CMSS1: variants seen among roughly 807,000 people sequenced by gnomAD.
CMSS1 encodes protein CMSS1.
CMSS1 carries 33 observed loss-of-function variants against 43.5 expected under a neutral mutation model. That is an observed-to-expected ratio of 0.76 (90% CI 0.57 to 1.01). The LOEUF is 1.01. Ranked by LOEUF, CMSS1 falls within the 50% of genes least tolerant of loss-of-function variation. The probability of loss-of-function intolerance (pLI) is 0.00; values close to 1 mark genes in which losing one functional copy is unlikely to be tolerated. For missense variants in CMSS1, 313 were observed against 326.4 expected, an observed-to-expected ratio of 0.96 and a Z score of 0.32; for synonymous variants, 115 against 117.2, an observed-to-expected ratio of 0.98 and a Z score of 0.12.
intron 1 of CMSS1, among the ~76,000 whole-genome samples, chr3:100,091,008 G>A (rs1273607684): frequency 6.6e-6 from 1 of 152,124 alleles, no homozygotes; most frequent in African/African-American, 2.4e-5. Flanking sequence ...CCTTAGGCCC[G>A]GGCACAGTGG....
intron 1 of CMSS1, among the ~76,000 whole-genome samples, chr3:99,925,500 G>T (rs1707262543): frequency 6.6e-6 from 1 of 152,162 alleles, no homozygotes; most frequent in Non-Finnish European, 1.5e-5. Flanking sequence ...AGGAAACTGA[G>T]ATTTTTTTTG....
chr3:99,874,987 A>G (rs954466727), intron 1 of CMSS1, among the ~76,000 whole-genome samples: 17 of 152,198 alleles, frequency 1.1e-4, no homozygotes, highest in Admixed American at 1.3e-4. Context: ...ATGAATTCTG[A>G]GTTTGAATTG....
chr3:99,870,266 C>T (rs946736882), intron 1 of CMSS1, among the ~76,000 whole-genome samples: 8 of 152,238 alleles, frequency 5.3e-5, no homozygotes, highest in Non-Finnish European at 1.0e-4. Flanking sequence ...TCTGATTTAT[C>T]CACCCATTAT....
chr3:99,935,520 G>A (rs922960173), intron 1 of CMSS1, among the ~76,000 whole-genome samples: 1 of 152,178 alleles, frequency 6.6e-6, no homozygotes, highest in African/African-American at 2.4e-5. Context: ...GGTCTGTGTT[G>A]TTGCTTATAA....
chr3:99,870,849 C>T (rs186971162), intron 1 of CMSS1, among the ~76,000 whole-genome samples: 15 of 152,268 alleles, frequency 9.9e-5, no homozygotes, highest in Non-Finnish European at 1.8e-4. Context: ...ATTTGTGCCC[C>T]GTAAGTGCAT....
At chr3:100,033,025 T>G (rs1021603382) in intron 1 of CMSS1, among the ~76,000 whole-genome samples, 1 of 152,062 alleles carries the variant, frequency 6.6e-6, no homozygotes, top group Non-Finnish European at 1.5e-5. Context: ...TTAGTGTGGT[T>G]TCCACTCTAC....
At chr3:99,899,664 A>G (rs1706372044) in intron 1 of CMSS1, among the ~76,000 whole-genome samples, 1 of 152,212 alleles carries the variant, frequency 6.6e-6, no homozygotes, top group South Asian at 2.1e-4. Flanking sequence ...TGAAATTGTT[A>G]TGATAGATGC....
chr3:100,021,954 TGTGTGTGAGA>T (rs775446991), intron 1 of CMSS1, among the ~76,000 whole-genome samples: 7,158 of 111,390 alleles, frequency 0.064, 179 homozygotes, highest in East Asian at 0.14. Context: ...TGTGTGTGTG[TGTGTGTGAGA>T]GAGAGAGAGA....
At chr3:99,896,309 G>A (rs1203317687) in intron 1 of CMSS1, among the ~76,000 whole-genome samples, 1 of 152,204 alleles carries the variant, frequency 6.6e-6, no homozygotes, top group Non-Finnish European at 1.5e-5. Flanking sequence ...AGGAAGGCAA[G>A]GGAAAATTTG....
At chr3:99,987,264 C>A (rs1442488866) in intron 1 of CMSS1, among the ~76,000 whole-genome samples, 2 of 150,768 alleles carry the variant, frequency 1.3e-5, no homozygotes, top group Non-Finnish European at 3.0e-5. Context: ...CACAGTGGCT[C>A]ACTCCTGTAA....
intron 1 of CMSS1, among the ~76,000 whole-genome samples, chr3:100,072,331 C>T (rs1420629063): frequency 6.6e-6 from 1 of 152,204 alleles, no homozygotes; most frequent in Non-Finnish European, 1.5e-5. Context: ...TCATTCTGTG[C>T]ATTTCCAAAT....
chr3:99,856,942 C>T (rs771112295), intron 1 of CMSS1, among the ~76,000 whole-genome samples: 1 of 151,958 alleles, frequency 6.6e-6, no homozygotes, highest in African/African-American at 2.4e-5. Flanking sequence ...TAATTCTTAC[C>T]GCTTTTGATT....
At chr3:99,972,467 A>G (rs1708851642) in intron 1 of CMSS1, among the ~76,000 whole-genome samples, 1 of 152,196 alleles carries the variant, frequency 6.6e-6, no homozygotes, top group Non-Finnish European at 1.5e-5. Context: ...CTGGTAATCC[A>G]TTTTATTTCT....
chr3:99,837,439 GAA>G lies in CMSS1; in HGVS notation c.64+19407_64+19408del, dbSNP rs200867964. ...GCTTTTTCTAGTTAAAGAGAAGAGAGAAAAAAAAAAAACAGCCAAACCACTAA... is the reference window on the plus strand; with the variant it reads ...GCTTTTTCTAGTTAAAGAGAAGAGAGAAAAAAAAAACAGCCAAACCACTAA... On this transcript the variant is annotated intron_variant, in intron 1 of 9. Coordinates refer to ENST00000421999, the MANE Select transcript of CMSS1 (RefSeq NM_032359.4). 5.1e-3 allele frequency among the ~76,000 whole-genome samples: 691 copies of G among 135,854 alleles called. 5 individuals are homozygous for G. The highest frequency in any genetic ancestry group is 0.018 in the African/African-American group (672 of 37,018). The allele number at this position is 135,854 out of a possible 152,430, so 89.1% of individuals were successfully genotyped here.
At chr3:100,121,425 C>CT (rs1341657094) in intron 1 of CMSS1, among the ~76,000 whole-genome samples, 3 of 152,036 alleles carry the variant, frequency 2.0e-5, no homozygotes, top group Non-Finnish European at 2.9e-5. Context: ...TGAACTCATC[C>CT]TTTTTTATGG....
At chr3:99,824,356 A>G (rs1056016369) in intron 1 of CMSS1, among the ~76,000 whole-genome samples, 3 of 152,212 alleles carry the variant, frequency 2.0e-5, no homozygotes, top group Non-Finnish European at 1.5e-5. Flanking sequence ...TTATTATGTT[A>G]TTATAATTCT....
intron 1 of CMSS1, among the ~76,000 whole-genome samples, chr3:99,920,403 CCA>C (rs1265609966): frequency 1.1e-4 from 16 of 152,136 alleles, no homozygotes; most frequent in African/African-American, 3.9e-4. Context: ...TACTGTGAAG[CCA>C]CACAGAAAGG....
At chr3:100,073,417 A>G (rs1467423164) in intron 1 of CMSS1, among the ~76,000 whole-genome samples, 1 of 152,200 alleles carries the variant, frequency 6.6e-6, no homozygotes, top group African/African-American at 2.4e-5. Context: ...GAAAGTATAC[A>G]TTTAAATACA....
intron 1 of CMSS1, among the ~76,000 whole-genome samples, chr3:100,029,445 G>A (rs1188357463): frequency 6.6e-6 from 1 of 152,036 alleles, no homozygotes; most frequent in Non-Finnish European, 1.5e-5. Context: ...TCATTTTACT[G>A]TTGCATTTGC....
Sources: gnomAD v4.1 joint callset for allele counts (sites outside exome capture counted in the v4.1 genomes callset) on GRCh38, gnomAD v4.1.1 for gene constraint, MANE v1.5 for transcripts, NCBI Gene and HGNC (gene_info 2026-07-23, HGNC 2026-07-21) for gene names.